The following EIF3H variants were observed in gnomAD, a reference collection of about 807,000 sequenced individuals.
EIF3H encodes the protein eIF-3-gamma.
In EIF3H, 26 loss-of-function variants were observed where a neutral mutation model predicts 44.2. The observed-to-expected ratio is 0.59, with a 90% CI of 0.43 to 0.82. The LOEUF (loss-of-function observed/expected upper bound fraction) is 0.82. EIF3H is among the 40% of genes least tolerant of loss of function. EIF3H has a pLI of 0.00. For missense variants in EIF3H, 359 were observed against 432.8 expected, an observed-to-expected ratio of 0.83 and a Z score of 1.51; for synonymous variants, 166 against 151.9, an observed-to-expected ratio of 1.09 and a Z score of -0.68.
At chr8:116,646,689 A>C (rs1813307600) in intron 6 of EIF3H, 86 bp from the exon 7 acceptor site, 1 of 1,528,810 alleles carries the variant, frequency 6.5e-7, no homozygotes, top group Non-Finnish European at 8.9e-7. Flanking sequence ...AACCAGCAGA[A>C]CCCCACTGCT....
At position 116,750,691 on chromosome 8, in the gene EIF3H, G is replaced by A. The variant is rs553804381; in HGVS notation, c.132+4975C>T. On this transcript the variant is annotated intron_variant, in intron 1 of 7. Coordinates refer to ENST00000521861, the MANE Select transcript of EIF3H (RefSeq NM_003756.3). ...CTCCCAAAGTGCTGGGATTACAGGCGTGAGCCACCACACCTGGCCTTTAGC... is the reference window on the plus strand; with the variant it reads ...CTCCCAAAGTGCTGGGATTACAGGCATGAGCCACCACACCTGGCCTTTAGC... Among the ~76,000 whole-genome samples the A allele has an allele frequency of 2.6e-5, 4 of 151,888 alleles. No individual in the cohort carries two copies. In the East Asian group the frequency reaches 5.9e-4, roughly 22 times the overall value.
chr8:116,703,524 T>C (rs1349107055), intron 2 of EIF3H, among the ~76,000 whole-genome samples: 1 of 152,238 alleles, frequency 6.6e-6, no homozygotes, highest in Non-Finnish European at 1.5e-5. Flanking sequence ...TCTGTACACC[T>C]GGCTCCGCCT....
intron 2 of EIF3H, among the ~76,000 whole-genome samples, chr8:116,695,020 C>CA (rs1430314054): frequency 6.7e-6 from 1 of 149,346 alleles, no homozygotes; most frequent in Admixed American, 6.7e-5. Flanking sequence ...AAAGCAGCAG[C>CA]AACAAAATGA....
At chr8:116,671,447 T>A (rs1813752567) in intron 2 of EIF3H, among the ~76,000 whole-genome samples, 1 of 152,242 alleles carries the variant, frequency 6.6e-6, no homozygotes, top group Non-Finnish European at 1.5e-5. Flanking sequence ...AGAATATACA[T>A]CTTTTCCTTG....
chr8:116,723,434 A>G (rs1814785692), intron 2 of EIF3H, among the ~76,000 whole-genome samples: 1 of 152,212 alleles, frequency 6.6e-6, no homozygotes, highest in Non-Finnish European at 1.5e-5. Flanking sequence ...CAGGTTAAAA[A>G]AAAAAGATGC....
intron 2 of EIF3H, among the ~76,000 whole-genome samples, chr8:116,718,115 A>G (rs1317461536): frequency 1.3e-5 from 2 of 152,244 alleles, no homozygotes; most frequent in East Asian, 1.9e-4. Context: ...CAACAAACAT[A>G]TGAAAAAATG....
intron 2 of EIF3H, among the ~76,000 whole-genome samples, chr8:116,678,830 C>T (rs1222252749): frequency 1.2e-4 from 17 of 141,802 alleles, no homozygotes; most frequent in Admixed American, 8.2e-4. Context: ...GGAGCGTCTC[C>T]GCCCGGCAGC....
intron 2 of EIF3H, among the ~76,000 whole-genome samples, chr8:116,669,960 C>CT (rs775254379): frequency 2.6e-5 from 4 of 152,072 alleles, no homozygotes; most frequent in Non-Finnish European, 5.9e-5. Flanking sequence ...GCATTCCAAG[C>CT]TAAGAAAAAT....
At chr8:116,692,263 C>A (rs1369212202) in intron 2 of EIF3H, among the ~76,000 whole-genome samples, 1 of 152,068 alleles carries the variant, frequency 6.6e-6, no homozygotes, top group Non-Finnish European at 1.5e-5. Flanking sequence ...ATGAAATAAC[C>A]CAGAAGAAAC....
intron 1 of EIF3H, among the ~76,000 whole-genome samples, chr8:116,729,879 G>A (rs1431013937): frequency 6.6e-6 from 1 of 152,162 alleles, no homozygotes; most frequent in Non-Finnish European, 1.5e-5. Context: ...ACAGTTTCTG[G>A]AAAGAAGATT....
chr8:116,661,028 C>T (rs752635187), intron 2 of EIF3H, among the ~76,000 whole-genome samples: 1 of 152,156 alleles, frequency 6.6e-6, no homozygotes, highest in African/African-American at 2.4e-5. Flanking sequence ...GTAAGAGGAA[C>T]CTCACCTCCC....
chr8:116,742,518 A>G (rs1815150338), intron 1 of EIF3H, among the ~76,000 whole-genome samples: 1 of 152,250 alleles, frequency 6.6e-6, no homozygotes, highest in Non-Finnish European at 1.5e-5. Flanking sequence ...ATGAGTGATT[A>G]AAAAGCTTAG....
At chr8:116,677,082 A>AC (rs1327547926) in intron 2 of EIF3H, among the ~76,000 whole-genome samples, 1 of 152,244 alleles carries the variant, frequency 6.6e-6, no homozygotes, top group Non-Finnish European at 1.5e-5. Context: ...TAGCAATCTA[A>AC]AACACTGTAA....
intron 2 of EIF3H, among the ~76,000 whole-genome samples, chr8:116,704,065 G>A (rs965519735): frequency 2.6e-5 from 4 of 152,142 alleles, no homozygotes; most frequent in Non-Finnish European, 2.9e-5. Context: ...GATAAAAACC[G>A]TTCCACATAA....
intron 1 of EIF3H, among the ~76,000 whole-genome samples, chr8:116,750,711 T>C (rs531673375): frequency 9.2e-5 from 14 of 151,606 alleles, no homozygotes; most frequent in Non-Finnish European, 1.9e-4. Flanking sequence ...ACACCTGGCC[T>C]TTAGCATGAC....
At chr8:116,725,398 T>G (rs1054926899) in intron 2 of EIF3H, among the ~76,000 whole-genome samples, 7 of 152,216 alleles carry the variant, frequency 4.6e-5, no homozygotes, top group Admixed American at 1.3e-4. Context: ...CTTAAAATTT[T>G]TATGTGCTTT....
At chr8:116,750,987 C>T (rs894108980) in intron 1 of EIF3H, among the ~76,000 whole-genome samples, 6 of 151,058 alleles carry the variant, frequency 4.0e-5, no homozygotes, top group Non-Finnish European at 8.9e-5. Flanking sequence ...CCGAGGCGGG[C>T]GGATCACGAG....
chr8:116,749,622 A>G (rs974368533), intron 1 of EIF3H, among the ~76,000 whole-genome samples: 1 of 152,196 alleles, frequency 6.6e-6, no homozygotes, highest in Admixed American at 6.5e-5. Flanking sequence ...ATGAAGACCC[A>G]TTCTTTCTTT....
chr8:116,760,368 T>C (rs992850329), upstream of EIF3H, among the ~76,000 whole-genome samples: 2 of 152,234 alleles, frequency 1.3e-5, no homozygotes, highest in Non-Finnish European at 2.9e-5. Context: ...GAAATAAGAC[T>C]ATGGGAGGTT....
Sources: gnomAD v4.1 joint callset for allele counts (sites outside exome capture counted in the v4.1 genomes callset) on GRCh38, gnomAD v4.1.1 for gene constraint, MANE v1.5 for transcripts, NCBI Gene and HGNC (gene_info 2026-07-23, HGNC 2026-07-21) for gene names.